Variants in XRRA1 observed in about 807,000 individuals in gnomAD.
The protein encoded by XRRA1 is X-ray radiation resistance associated 1.
A neutral mutation model predicts 80.2 loss-of-function variants in XRRA1; 69 were observed. The ratio of observed to expected loss-of-function variants is 0.86; its 90% CI spans 0.71 to 1.05. XRRA1 has a LOEUF of 1.05. Ranked by LOEUF, XRRA1 falls within the 50% of genes least tolerant of loss-of-function variation. The pLI is 0.00. For synonymous variants in XRRA1, 348 were observed against 389.9 expected (o/e 0.89, Z 1.27); for missense variants, 967 against 976.4 (o/e 0.99, Z 0.13).
intron 12 of XRRA1, among the ~76,000 whole-genome samples, chr11:74,854,792 A>G (rs1029857375): frequency 1.3e-5 from 2 of 152,102 alleles, no homozygotes; most frequent in African/African-American, 4.8e-5. Context: ...GGCCGAGGCA[A>G]GTGGATCACA....
chr11:74,933,820 C>G lies in XRRA1; in HGVS notation c.332G>C (p.Ser111Thr), dbSNP rs370921875. 5.0e-5 allele frequency: 80 copies of G among 1,599,210 alleles called. No individual in the cohort carries two copies. In the African/African-American group the frequency reaches 1.1e-3, roughly 21 times the overall value. Residue 111 changes from serine to threonine, a missense_variant, in exon 5 of 19, where the codon AGT (serine) becomes ACT (threonine). Physicochemically the swap from Ser to Thr is moderately conservative, Grantham distance 58. Coordinates refer to ENST00000684022, the MANE Select transcript of XRRA1 (RefSeq NM_001378157.1). ...KPSDLCTINV[S>T]GLKFSKAKEN... The stretch of plus-strand genomic sequence containing the variant: ...CCTCACCTTGGAGAACTTCAGGCCA[C>G]TCACATTAATGGTGCACAGATCTGA...
At chr11:74,893,837 CA>C (rs1450105159) in intron 10 of XRRA1, among the ~76,000 whole-genome samples, 2 of 152,192 alleles carry the variant, frequency 1.3e-5, no homozygotes, top group Non-Finnish European at 2.9e-5. Flanking sequence ...AGCAGTTTTG[CA>C]ACTTCTGAAA....
rs2054605653 is a variant in XRRA1 at position 74,906,397 on chromosome 11, A to G, written c.845T>C (p.Val282Ala). ...GTCTACTGACTCGTCATAGAGCTGA[A>G]CTTGCTGTAGGTATGGGATCCTGAT... ...RIIRIPYLQQ[V>A]QLYDESVDWN... is the part of the protein sequence containing the mutation. Residue 282 changes from valine (V) to alanine (A), a missense_variant, in exon 10 of 19, where the codon GTT becomes GCT. Physicochemically the swap from Val to Ala is moderately conservative, Grantham distance 64. Transcript: ENST00000684022. 5.0e-6 allele frequency: 8 copies of G among 1,613,888 alleles called. No homozygotes were observed. The East Asian group carries it at 1.6e-4, about 31-fold the overall frequency.
intron 10 of XRRA1, among the ~76,000 whole-genome samples, chr11:74,897,682 A>G (rs1324516892): frequency 7.0e-6 from 1 of 143,634 alleles, no homozygotes; most frequent in Non-Finnish European, 1.5e-5. Context: ...GCCAGGAGAG[A>G]GTGGCATGAC....
chr11:74,859,444 G>A lies in XRRA1; in HGVS notation c.1045-161C>T, dbSNP rs530089336. Reference sequence around the variant, plus strand: ...GTCATAAGGGTAGATGTCGCCATCAGCCCAGAATTCTGGCTCCAAGTTCTC... The same window carrying A: ...GTCATAAGGGTAGATGTCGCCATCAACCCAGAATTCTGGCTCCAAGTTCTC... On this transcript the variant is annotated intron_variant, in intron 11 of 18. Transcript: ENST00000684022. 6.9e-4 allele frequency among the ~76,000 whole-genome samples: 105 copies of A among 152,250 alleles called. 1 individual carries two copies. The highest frequency in any genetic ancestry group is 9.8e-4 in the Admixed American group (15 of 15,306).
intron 10 of XRRA1, among the ~76,000 whole-genome samples, chr11:74,879,577 T>C (rs926035399): frequency 1.3e-5 from 2 of 152,178 alleles, no homozygotes; most frequent in Non-Finnish European, 2.9e-5. Context: ...TTTCTGCCCA[T>C]TCAGTATGAT....
At chr11:74,936,861 C>T in intron 4 of XRRA1, 23 bp downstream of exon 4, 1 of 1,608,332 alleles carries the variant, frequency 6.2e-7, no homozygotes, top group Non-Finnish European at 8.5e-7. Flanking sequence ...GTGCTGGCCA[C>T]TCCAGGATGC....
chr11:74,915,414 T>G (rs969939307), intron 8 of XRRA1, among the ~76,000 whole-genome samples: 2 of 152,130 alleles, frequency 1.3e-5, no homozygotes, highest in African/African-American at 4.8e-5. Context: ...ACCCAATCCA[T>G]GAATGTCAGT....
chr11:74,887,721 C>T (rs1273135958), intron 10 of XRRA1, among the ~76,000 whole-genome samples: 2 of 152,180 alleles, frequency 1.3e-5, no homozygotes, highest in Non-Finnish European at 2.9e-5. Context: ...GTCACTCCCA[C>T]CCTAATACTG....
At chr11:74,848,818 A>G (rs997022243) in intron 14 of XRRA1, among the ~76,000 whole-genome samples, 3 of 152,198 alleles carry the variant, frequency 2.0e-5, no homozygotes, top group Non-Finnish European at 2.9e-5. Flanking sequence ...ATCCCTGACC[A>G]TACGTACTCT....
At chr11:74,908,916 G>A (rs749845866) in intron 8 of XRRA1, among the ~76,000 whole-genome samples, 3 of 152,144 alleles carry the variant, frequency 2.0e-5, no homozygotes, top group Non-Finnish European at 4.4e-5. Flanking sequence ...AAAGACACAG[G>A]CAGCCCACCT....
chr11:74,879,681 T>C (rs2046999720), intron 10 of XRRA1, among the ~76,000 whole-genome samples: 1 of 151,814 alleles, frequency 6.6e-6, no homozygotes, highest in Admixed American at 6.6e-5. Flanking sequence ...TGGAGGGTTG[T>C]TGAATTTTGT....
intron 10 of XRRA1, among the ~76,000 whole-genome samples, chr11:74,883,000 A>C (rs938518915): frequency 6.6e-6 from 1 of 152,254 alleles, no homozygotes; most frequent in Non-Finnish European, 1.5e-5. Context: ...TGGAGCCTAC[A>C]GAGACAGGCA....
chr11:74,846,591 G>C (rs191334970), intron 15 of XRRA1, among the ~76,000 whole-genome samples: 38 of 152,170 alleles, frequency 2.5e-4, no homozygotes, highest in African/African-American at 8.4e-4. Flanking sequence ...CTATGACCAA[G>C]TGAGATTTAT....
intron 4 of XRRA1, among the ~76,000 whole-genome samples, chr11:74,934,545 T>C (rs1420593038): frequency 1.3e-5 from 2 of 152,178 alleles, no homozygotes; most frequent in African/African-American, 4.8e-5. Flanking sequence ...ATGAGACATA[T>C]AACAGGAGGT....
At position 74,933,921 on chromosome 11, in the gene XRRA1, A is replaced by G. The variant is rs536756247; in HGVS notation, c.280-49T>C. On this transcript the variant is annotated intron_variant, in intron 4 of 18. Coordinates refer to ENST00000684022, the MANE Select transcript of XRRA1 (RefSeq NM_001378157.1). Reference sequence around the variant, plus strand: ...TCTCTTAAGGCCCCTACAAAGTTTAATTAATCTATTACCACTCAGCCTTCT... The same window carrying G: ...TCTCTTAAGGCCCCTACAAAGTTTAGTTAATCTATTACCACTCAGCCTTCT... 161 of 1,513,686 alleles carry G rather than the reference A, an allele frequency of 1.1e-4. 1 individual carries two copies. In the Middle Eastern group the frequency reaches 1.9e-3, roughly 17 times the overall value. The allele number at this position is 1,513,686 out of a possible 1,614,324, so 93.8% of individuals were successfully genotyped here.
chr11:74,920,215 A>G (rs551569986), intron 8 of XRRA1, among the ~76,000 whole-genome samples: 6 of 152,240 alleles, frequency 3.9e-5, no homozygotes, highest in African/African-American at 1.2e-4. Flanking sequence ...GAACCAATAA[A>G]TTCCCTTTTT....
In XRRA1 at chr11:74,906,283, A is replaced by T. The variant is rs773974140; in HGVS notation, c.959T>A (p.Leu320Gln). ...TTTCATGGGCAGTACAGTATAATCC[A>T]GTTGCTCATCTGAGTCCTCAAGCAT... ...PRMLEDSDEQ[L>Q]DYTVLPMKKD... Residue 320 changes from leucine (L) to glutamine (Q), a missense_variant, in exon 10 of 19, where the codon CTG becomes CAG. Physicochemically the swap from Leu to Gln is moderately radical, Grantham distance 113. Coordinates refer to ENST00000684022, the MANE Select transcript of XRRA1 (RefSeq NM_001378157.1). 1 of 1,613,828 alleles carries T rather than the reference A, an allele frequency of 6.2e-7. No homozygotes were observed. The highest frequency in any genetic ancestry group is 2.2e-5 in the East Asian group (1 of 44,890).
intron 10 of XRRA1, among the ~76,000 whole-genome samples, chr11:74,866,630 A>ATT (rs963641062): frequency 1.3e-5 from 2 of 150,344 alleles, no homozygotes; most frequent in African/African-American, 2.5e-5. Context: ...TACCAGAAAA[A>ATT]TTTAACAAGG....
Sources: allele counts gnomAD v4.1 joint callset (sites outside exome capture counted in the v4.1 genomes callset), GRCh38; gene constraint gnomAD v4.1.1; transcripts MANE v1.5; gene names NCBI Gene and HGNC (gene_info 2026-07-23, HGNC 2026-07-21).